ZNF273: variants seen among roughly 807,000 people sequenced by gnomAD.
The protein encoded by ZNF273 is zinc finger protein 9.
In ZNF273, 11 loss-of-function variants were observed where a neutral mutation model predicts 14.9. The observed-to-expected ratio is 0.74, with a 90% CI of 0.46 to 1.22. The LOEUF is 1.22. Ranked by LOEUF, ZNF273 falls within the 50% of genes most tolerant of loss-of-function variation. ZNF273 has a pLI of 0.00. For synonymous variants in ZNF273, 199 were observed against 223.9 expected (o/e 0.89, Z 0.99); for missense variants, 577 against 660.6 (o/e 0.87, Z 1.39).
At chr7:64,880,144 C>T (rs907770893), downstream of ZNF273, 1 of 152,214 alleles carries the variant, frequency 6.6e-6, no homozygotes, top group Non-Finnish European at 1.5e-5. Flanking sequence ...TGACGTGCGT[C>T]GAAGTTGGAC....
At position 64,888,270 on chromosome 7, in the gene ZNF273, G is replaced by A. The variant is rs1432269700; in HGVS notation, n.274-303G>A. On this transcript the variant is annotated intron_variant and non_coding_transcript_variant, in intron 1 of 1. Transcript: ENST00000471926. Reference sequence around the variant, plus strand: ...GGGCGCTCCCTCGTCAGATGTCCCTGTCTCTATGGGGGTCCTTCCTCCTGT... The same window carrying A: ...GGGCGCTCCCTCGTCAGATGTCCCTATCTCTATGGGGGTCCTTCCTCCTGT... 5.1e-6 allele frequency: 5 copies of A among 984,272 alleles called. No individual in the cohort carries two copies. The African/African-American group carries it at 8.7e-5, about 17-fold the overall frequency. The allele number at this position is 984,272 out of a possible 1,614,324, so 61.0% of individuals were successfully genotyped here. A position where few individuals can be genotyped will look rare whatever the true frequency, so the allele number is the denominator to read the frequency against.
At chr7:64,924,321 T>C (rs1388913736) in intron 3 of ZNF273, 1 of 152,222 alleles carries the variant, frequency 6.6e-6, no homozygotes, top group Non-Finnish European at 1.5e-5. Context: ...TTTGTATACC[T>C]ATGTTAGGAA....
chr7:64,922,965 CA>C (rs1794573799), intron 3 of ZNF273, among the ~76,000 whole-genome samples: 1 of 148,998 alleles, frequency 6.7e-6, no homozygotes, highest in African/African-American at 2.5e-5. Flanking sequence ...GACTCTGTCT[CA>C]AAATTAAAAA....
chr7:64,912,826 G>GTTTTTTGTTGTTGTTGTGTTTTTTT, intron 1 of ZNF273, among the ~76,000 whole-genome samples: 1 of 36,568 alleles, frequency 2.7e-5, no homozygotes, highest in Admixed American at 4.0e-4. Flanking sequence ...ATTCATTTTA[G>GTTTTTTGTTGTTGTTGTGTTTTTTT]TTTTTTTTTT....
chr7:64,920,518 A>G (rs1474284923), intron 3 of ZNF273, among the ~76,000 whole-genome samples: 3 of 152,174 alleles, frequency 2.0e-5, no homozygotes, highest in Non-Finnish European at 4.4e-5. Context: ...GTCTTTCTCT[A>G]AGCCTCTGGA....
rs984997152 is a variant in ZNF273, at chr7:64,903,315, T to C, written c.-3T>C. ...CAGCTCCAGGTCTCGTCTTCACTGC[T>C]CTATGTCCTCTGCTCCTAGAGGTCC... On this transcript the variant is annotated 5_prime_UTR_variant, in exon 1 of 4. Coordinates refer to ENST00000476120, the MANE Select transcript of ZNF273 (RefSeq NM_021148.3). The C allele has an allele frequency of 3.1e-6, 5 of 1,610,610 alleles. No individual in the cohort carries two copies. The highest frequency in any genetic ancestry group is 4.2e-6 in the Non-Finnish European group (5 of 1,177,460).
intron 2 of ZNF273, among the ~76,000 whole-genome samples, chr7:64,878,758 A>G (rs930150554): frequency 3.3e-5 from 5 of 152,150 alleles, no homozygotes; most frequent in African/African-American, 1.2e-4. Flanking sequence ...TGGATGACTG[A>G]TGTTTCCTGA....
At chr7:64,922,820 G>A (rs1477736002) in intron 3 of ZNF273, among the ~76,000 whole-genome samples, 1 of 152,016 alleles carries the variant, frequency 6.6e-6, no homozygotes, top group African/African-American at 2.4e-5. Flanking sequence ...CGAAACATTA[G>A]CCAGGTGTGG....
At chr7:64,893,768 C>T (rs1433027618), downstream of ZNF273, 2 of 148,038 alleles carry the variant, frequency 1.4e-5, no homozygotes, top group Middle Eastern at 3.4e-3. Flanking sequence ...AGGACAGCAG[C>T]GTACATGGTG....
At chr7:64,894,436 A>G (rs555465962), downstream of ZNF273, among the ~76,000 whole-genome samples, 3 of 152,366 alleles carry the variant, frequency 2.0e-5, no homozygotes, top group East Asian at 5.8e-4. Context: ...GTATACAAAC[A>G]AACTTTACAG....
At chr7:64,905,928 G>A (rs879773861) in intron 1 of ZNF273, among the ~76,000 whole-genome samples, 27 of 152,136 alleles carry the variant, frequency 1.8e-4, no homozygotes, top group Non-Finnish European at 4.0e-4. Context: ...ACAAAAAGGT[G>A]GGTTTCAGGG....
upstream of ZNF273, among the ~76,000 whole-genome samples, chr7:64,900,941 C>T (rs1334754745): frequency 6.6e-6 from 1 of 152,062 alleles, no homozygotes; most frequent in Non-Finnish European, 1.5e-5. Context: ...TGTCCATGTT[C>T]TAGTTTTCCA....
At chr7:64,909,505 A>G (rs1392320838) in intron 1 of ZNF273, among the ~76,000 whole-genome samples, 1 of 152,168 alleles carries the variant, frequency 6.6e-6, no homozygotes, top group Non-Finnish European at 1.5e-5. Context: ...CTGGGATTAT[A>G]GGTGTGAGCC....
chr7:64,912,826 GTTTTT>G (rs71061324), intron 1 of ZNF273, among the ~76,000 whole-genome samples: 4 of 36,568 alleles, frequency 1.1e-4, no homozygotes, highest in Non-Finnish European at 2.3e-4. Flanking sequence ...ATTCATTTTA[GTTTTT>G]TTTTTTTTTT....
In ZNF273 at chr7:64,907,939, A is replaced by G. The variant is rs144820566; in HGVS notation, c.102+4520A>G. On this transcript the variant is annotated intron_variant, in intron 1 of 3. Coordinates refer to ENST00000476120, the MANE Select transcript of ZNF273 (RefSeq NM_021148.3). ...AGGATTCCCACCCACTCTCAAACAT[A>G]CGCACTAGACATTGATGTGTCCACA... Among the ~76,000 whole-genome samples the G allele has an allele frequency of 3.9e-3, 589 of 152,286 alleles. 11 individuals carry two copies. The highest frequency in any genetic ancestry group is 0.014 in the African/African-American group (571 of 41,560).
chr7:64,923,391 A>G (rs887092380), intron 3 of ZNF273: 2 of 454,922 alleles, frequency 4.4e-6, no homozygotes, highest in African/African-American at 2.0e-5. Flanking sequence ...CCCAGGTTGG[A>G]GTGCAGTGGC....
At chr7:64,933,260 A>G (rs1795028969), downstream of ZNF273, 1 of 152,232 alleles carries the variant, frequency 6.6e-6, no homozygotes. Flanking sequence ...GGCGTGAACC[A>G]CTGCGCCCGG....
At chr7:64,899,922 G>A (rs1792585621), upstream of ZNF273, among the ~76,000 whole-genome samples, 1 of 149,770 alleles carries the variant, frequency 6.7e-6, no homozygotes. Context: ...CACCAAGCCT[G>A]GCTAATTTTG....
At chr7:64,896,459 G>A (rs1265614097) in intron 3 of ZNF273, among the ~76,000 whole-genome samples, 1 of 152,038 alleles carries the variant, frequency 6.6e-6, no homozygotes, top group Admixed American at 6.6e-5. Context: ...AACCCAGTCT[G>A]TTATTCCAGG....
Sources: allele counts gnomAD v4.1 joint callset (sites outside exome capture counted in the v4.1 genomes callset), GRCh38; gene constraint gnomAD v4.1.1; transcripts MANE v1.5; gene names NCBI Gene and HGNC (gene_info 2026-07-23, HGNC 2026-07-21).